The following ADAM12 variants were observed in gnomAD, a reference collection of about 807,000 sequenced individuals.
ADAM12 encodes ADAM metallopeptidase domain 12.
In ADAM12, 70 loss-of-function variants were observed where a neutral mutation model predicts 106.4. The ratio of observed to expected loss-of-function variants is 0.66; its 90% CI spans 0.54 to 0.80. The LOEUF (loss-of-function observed/expected upper bound fraction) is 0.80, where lower values mean the gene tolerates loss of function less well. ADAM12 is among the 30% of genes least tolerant of loss of function. ADAM12 has a pLI of 0.00. For synonymous variants in ADAM12, 420 were observed against 433.5 expected (o/e 0.97, Z 0.39); for missense variants, 1,010 against 1,171.9 (o/e 0.86, Z 2.02).
intron 18 of ADAM12, 113 bp from the exon 19 acceptor site, chr10:126,039,542 A>G: frequency 7.6e-7 from 1 of 1,318,666 alleles, no homozygotes; most frequent in Non-Finnish European, 1.1e-6. Flanking sequence ...AAATGAAGAG[A>G]GTACACCCGT....
intron 1 of ADAM12, among the ~76,000 whole-genome samples, chr10:126,348,999 T>C (rs1855255451): frequency 6.6e-6 from 1 of 152,174 alleles, no homozygotes; most frequent in Admixed American, 6.5e-5. Context: ...GCAAAGCCAA[T>C]ACGTTTCAAT....
At chr10:126,268,422 G>A (rs773762631) in intron 3 of ADAM12, among the ~76,000 whole-genome samples, 7 of 152,142 alleles carry the variant, frequency 4.6e-5, no homozygotes, top group Non-Finnish European at 1.0e-4. Flanking sequence ...TGTGAATGCC[G>A]CTGCCACGAA....
At chr10:126,215,220 A>G (rs12254382) in intron 3 of ADAM12, among the ~76,000 whole-genome samples, 1 of 152,030 alleles carries the variant, frequency 6.6e-6, no homozygotes, top group Admixed American at 6.6e-5. Flanking sequence ...TACGGCCTGG[A>G]TGGCCTTTCC....
rs547151219 is a variant in ADAM12 at position 126,319,230 on chromosome 10, C to T, written c.186+11182G>A. Reference sequence around the variant, plus strand: ...GCTACCTCGCCATCCAGGGGTGCAGCGTAACTCCCCACTCCTCAAGTATGG... The same window carrying T: ...GCTACCTCGCCATCCAGGGGTGCAGTGTAACTCCCCACTCCTCAAGTATGG... On this transcript the variant is annotated intron_variant, in intron 2 of 22. Transcript: ENST00000448723. 7.9e-5 allele frequency among the ~76,000 whole-genome samples: 12 copies of T among 152,268 alleles called. No homozygotes were observed. The South Asian group carries it at 1.0e-3, about 13-fold the overall frequency.
At chr10:126,274,509 T>A (rs2133744143) in intron 3 of ADAM12, among the ~76,000 whole-genome samples, 1 of 152,306 alleles carries the variant, frequency 6.6e-6, no homozygotes, top group Middle Eastern at 3.4e-3. Flanking sequence ...TTTACATTTA[T>A]CCCCATTAAA....
At chr10:126,028,179 A>G (rs1953911641) in intron 21 of ADAM12, among the ~76,000 whole-genome samples, 1 of 152,246 alleles carries the variant, frequency 6.6e-6, no homozygotes, top group South Asian at 2.1e-4. Flanking sequence ...AAGAAATCAG[A>G]GGACATAAAC....
intron 1 of ADAM12, among the ~76,000 whole-genome samples, chr10:126,358,039 G>A (rs763810347): frequency 3.9e-5 from 6 of 152,098 alleles, no homozygotes; most frequent in South Asian, 2.1e-4. Context: ...AAAATTGGGC[G>A]AGGTGGCGGG....
intron 1 of ADAM12, among the ~76,000 whole-genome samples, chr10:126,372,593 G>T (rs1856149310): frequency 6.6e-6 from 1 of 152,164 alleles, no homozygotes; most frequent in East Asian, 1.9e-4. Flanking sequence ...AATCCATAAG[G>T]AAGTAACATC....
At chr10:126,284,228 G>A (rs1328626976) in intron 2 of ADAM12, among the ~76,000 whole-genome samples, 1 of 151,116 alleles carries the variant, frequency 6.6e-6, no homozygotes, top group Non-Finnish European at 1.5e-5. Flanking sequence ...AGCTACTCGG[G>A]AGGCTGAGGC....
chr10:126,145,105 TG>T (rs1308141286), intron 4 of ADAM12, among the ~76,000 whole-genome samples: 1 of 152,188 alleles, frequency 6.6e-6, no homozygotes, highest in Non-Finnish European at 1.5e-5. Context: ...ATCTCTGTTA[TG>T]GGCACATTAT....
At chr10:126,107,806 C>T (rs1006531893) in intron 8 of ADAM12, among the ~76,000 whole-genome samples, 18 of 152,162 alleles carry the variant, frequency 1.2e-4, no homozygotes, top group Admixed American at 6.5e-5. Context: ...TTCAGAAGCT[C>T]ACAGGGCAAC....
chr10:126,125,188 T>C (rs1419093935), intron 5 of ADAM12, among the ~76,000 whole-genome samples: 1 of 151,676 alleles, frequency 6.6e-6, no homozygotes, highest in East Asian at 1.9e-4. Flanking sequence ...TCTTGATCCT[T>C]CATGGCCCCC....
At chr10:126,121,001 A>C (rs1260853662) in intron 5 of ADAM12, among the ~76,000 whole-genome samples, 1 of 129,970 alleles carries the variant, frequency 7.7e-6, no homozygotes, top group African/African-American at 3.0e-5. Flanking sequence ...ATTATATATT[A>C]CATATGCAAT....
At chr10:126,051,922 C>A (rs1455538058) in intron 14 of ADAM12, among the ~76,000 whole-genome samples, 1 of 152,166 alleles carries the variant, frequency 6.6e-6, no homozygotes, top group Non-Finnish European at 1.5e-5. Context: ...CTTTTAAAGG[C>A]AGGCTGGTCA....
At chr10:126,086,235 C>A (rs12249530) in intron 11 of ADAM12, among the ~76,000 whole-genome samples, 1 of 152,050 alleles carries the variant, frequency 6.6e-6, no homozygotes, top group Non-Finnish European at 1.5e-5. Context: ...AGCTTTAGTT[C>A]TCTCATAAAG....
chr10:126,077,806 C>T (rs1041561449), intron 11 of ADAM12, among the ~76,000 whole-genome samples: 1 of 152,088 alleles, frequency 6.6e-6, no homozygotes, highest in Non-Finnish European at 1.5e-5. Flanking sequence ...CTTATTCCCC[C>T]ACCTTTTTAT....
chr10:126,270,646 G>T (rs558925759), intron 3 of ADAM12, among the ~76,000 whole-genome samples: 64 of 152,358 alleles, frequency 4.2e-4, no homozygotes, highest in Non-Finnish European at 7.5e-4. Context: ...TGGGGATTCT[G>T]GTTAAATAGC....
rs1379030650 is a variant in ADAM12 at position 126,108,636 on chromosome 10, T to A, written c.698A>T (p.Lys233Ile). The A allele has an allele frequency of 3.1e-6, 5 of 1,614,188 alleles. No individual in the cohort carries two copies. The South Asian group carries it at 4.4e-5, about 14-fold the overall frequency. Residue 233 changes from lysine to isoleucine, a missense_variant, in exon 8 of 23, where the codon AAA becomes ATA. Physicochemically the swap from Lys to Ile is moderately radical, Grantham distance 102 (BLOSUM62 -3). Transcript: ENST00000448723. ...AATCTCTATTAATCGCTGCTTAACT[T>A]TTTCCAGATCTTTTCCTTGCCTCTG... ...EFQRQGKDLE[K>I]VKQRLIEIAN...
intron 1 of ADAM12, among the ~76,000 whole-genome samples, chr10:126,383,317 A>G (rs1856554838): frequency 6.6e-6 from 1 of 152,178 alleles, no homozygotes; most frequent in South Asian, 2.1e-4. Context: ...TGTCCCAGAA[A>G]GTAGAACAAA....
Sources: gnomAD v4.1 joint callset for allele counts (sites outside exome capture counted in the v4.1 genomes callset) on GRCh38, gnomAD v4.1.1 for gene constraint, MANE v1.5 for transcripts, NCBI Gene and HGNC (gene_info 2026-07-23, HGNC 2026-07-21) for gene names.